Variants in CAMTA1 observed in about 807,000 individuals in gnomAD.
The protein encoded by CAMTA1 is calmodulin-binding transcription activator 1.
A neutral mutation model predicts 170.9 loss-of-function variants in CAMTA1; 27 were observed. The observed-to-expected ratio is 0.16, with a 90% CI of 0.12 to 0.22. The LOEUF (loss-of-function observed/expected upper bound fraction) is 0.22, where lower values mean the gene tolerates loss of function less well. CAMTA1 is among the 10% of genes least tolerant of loss of function. The pLI is 1.00. For missense variants in CAMTA1, 1,619 were observed against 2,217.2 expected (o/e 0.73, Z 5.42); for synonymous variants, 833 against 891.5 (o/e 0.93, Z 1.17).
In CAMTA1 at chr1:7,370,914, C is replaced by CTTTTTTTTTTTT. The variant is rs61387662; in HGVS notation, c.439-96912_439-96901dup. ...TATGGCACTTTCTTTTTCTTTCTTT[C>CTTTTTTTTTTTT]TTTTTTTTTTTTTTTGAGACGGAGT... On this transcript the variant is annotated intron_variant, in intron 5 of 22. Transcript: ENST00000303635. Among the ~76,000 whole-genome samples the CTTTTTTTTTTTT allele has an allele frequency of 3.8e-3, 414 of 109,938 alleles. 6 individuals carry two copies. The highest frequency in any genetic ancestry group is 5.7e-3 in the Middle Eastern group (1 of 176). The allele number at this position is 109,938 out of a possible 152,430, so 72.1% of individuals were successfully genotyped here. A position where few individuals can be genotyped will look rare whatever the true frequency, so the allele number is the denominator to read the frequency against.
intron 4 of CAMTA1, among the ~76,000 whole-genome samples, chr1:7,242,350 T>G (rs113342349): frequency 1.5e-3 from 225 of 152,288 alleles, no homozygotes; most frequent in Non-Finnish European, 2.5e-3. Flanking sequence ...TGGAAAATGG[T>G]GCTGCCATGT....
At chr1:7,363,985 C>T (rs2085770195) in intron 5 of CAMTA1, among the ~76,000 whole-genome samples, 2 of 152,146 alleles carry the variant, frequency 1.3e-5, no homozygotes, top group African/African-American at 4.8e-5. Flanking sequence ...AAACCAGAGT[C>T]CAGCCCCATC....
chr1:7,339,751 C>G (rs1402327768), intron 5 of CAMTA1, among the ~76,000 whole-genome samples: 2 of 152,080 alleles, frequency 1.3e-5, no homozygotes, highest in African/African-American at 4.8e-5. Context: ...TGTGCACCAC[C>G]ATGCCCGGCT....
At chr1:6,859,044 A>G (rs1308789787) in intron 3 of CAMTA1, among the ~76,000 whole-genome samples, 3 of 152,238 alleles carry the variant, frequency 2.0e-5, no homozygotes, top group Non-Finnish European at 4.4e-5. Flanking sequence ...ATATACTTAT[A>G]AAAGTAATAA....
intron 3 of CAMTA1, among the ~76,000 whole-genome samples, chr1:6,905,728 TA>T (rs1678310855): frequency 6.6e-6 from 1 of 152,328 alleles, no homozygotes; most frequent in Admixed American, 6.5e-5. Flanking sequence ...CTTTGTCTCT[TA>T]TTAATAGTTC....
intron 3 of CAMTA1, among the ~76,000 whole-genome samples, chr1:7,002,138 C>T (rs1213451726): frequency 2.0e-5 from 3 of 152,070 alleles, no homozygotes; most frequent in Admixed American, 2.0e-4. Flanking sequence ...CCTTGTGATC[C>T]ACCTGCCTCA....
intron 5 of CAMTA1, among the ~76,000 whole-genome samples, chr1:7,276,292 TATA>T (rs1558345201): frequency 6.1e-4 from 29 of 47,786 alleles, no homozygotes; most frequent in Non-Finnish European, 7.0e-4. Flanking sequence ...TATATATATA[TATA>T]TATATATATT....
intron 12 of CAMTA1, among the ~76,000 whole-genome samples, chr1:7,734,510 G>A (rs910696943): frequency 2.6e-5 from 4 of 151,158 alleles, no homozygotes; most frequent in Admixed American, 2.0e-4. Context: ...TTTGCCATGC[G>A]GGATAGAGAC....
chr1:6,860,731 T>G (rs1178340188), intron 3 of CAMTA1, among the ~76,000 whole-genome samples: 1 of 151,928 alleles, frequency 6.6e-6, no homozygotes, highest in Non-Finnish European at 1.5e-5. Context: ...GCCAACATGG[T>G]GAAACCCCAT....
At chr1:7,402,814 C>T (rs918053304) in intron 5 of CAMTA1, among the ~76,000 whole-genome samples, 1 of 152,204 alleles carries the variant, frequency 6.6e-6, no homozygotes, top group Non-Finnish European at 1.5e-5. Context: ...AAATACATCA[C>T]ATTAACCCTC....
intron 4 of CAMTA1, among the ~76,000 whole-genome samples, chr1:7,169,325 T>C (rs1649135586): frequency 6.6e-6 from 1 of 152,194 alleles, no homozygotes; most frequent in Admixed American, 6.5e-5. Flanking sequence ...TGGAATAATT[T>C]GTGTAAGATG....
chr1:6,821,901 C>CTTG lies in CAMTA1; in HGVS notation c.115+1653_115+1655dup, dbSNP rs1334398403. On this transcript the variant is annotated intron_variant, in intron 2 of 22. Coordinates refer to ENST00000303635, the MANE Select transcript of CAMTA1 (RefSeq NM_015215.4). Reference sequence around the variant, plus strand: ...ATTGGAAAGTTATATTATACTACACCTTGTAGGTTGACTAGAAAGGATGGT... The same window carrying CTTG: ...ATTGGAAAGTTATATTATACTACACCTTGTTGTAGGTTGACTAGAAAGGATGGT... 2.0e-5 allele frequency among the ~76,000 whole-genome samples: 3 copies of CTTG among 152,134 alleles called. No homozygotes were observed. The East Asian group carries it at 5.8e-4, about 29-fold the overall frequency.
intron 5 of CAMTA1, among the ~76,000 whole-genome samples, chr1:7,430,682 C>T (rs554054561): frequency 3.0e-4 from 46 of 152,256 alleles, no homozygotes; most frequent in Admixed American, 1.2e-3. Flanking sequence ...TGACCAGGGC[C>T]GGGACATAGA....
chr1:7,025,102 A>C (rs1701846305), intron 3 of CAMTA1, among the ~76,000 whole-genome samples: 1 of 152,146 alleles, frequency 6.6e-6, no homozygotes, highest in African/African-American at 2.4e-5. Flanking sequence ...TCCCACTTTT[A>C]TGTCCTGCAC....
intron 4 of CAMTA1, among the ~76,000 whole-genome samples, chr1:7,177,209 C>G (rs1232643135): frequency 6.6e-6 from 1 of 151,398 alleles, no homozygotes; most frequent in East Asian, 2.0e-4. Context: ...CAAGGCTCCT[C>G]CCCACACAGT....
intron 7 of CAMTA1, among the ~76,000 whole-genome samples, chr1:7,659,206 G>A (rs749317903): frequency 1.2e-4 from 18 of 152,236 alleles, no homozygotes; most frequent in Non-Finnish European, 1.6e-4. Flanking sequence ...ATTCCTGCCA[G>A]ATCCCAAGCC....
chr1:7,397,269 G>T (rs1464256812), intron 5 of CAMTA1, among the ~76,000 whole-genome samples: 1 of 151,948 alleles, frequency 6.6e-6, no homozygotes, highest in African/African-American at 2.4e-5. Context: ...TTTCCAATTT[G>T]TTGCCATATA....
intron 6 of CAMTA1, among the ~76,000 whole-genome samples, chr1:7,518,188 G>A (rs1477686192): frequency 1.3e-5 from 2 of 151,986 alleles, no homozygotes; most frequent in Non-Finnish European, 2.9e-5. Context: ...CAGGCTGCTT[G>A]GAGACTGTGT....
intron 6 of CAMTA1, among the ~76,000 whole-genome samples, chr1:7,581,036 C>A (rs1287988190): frequency 3.9e-5 from 6 of 152,232 alleles, no homozygotes; most frequent in Non-Finnish European, 8.8e-5. Context: ...TTTGATAACT[C>A]GGTGCCAGGG....
Sources: gnomAD v4.1 joint callset for allele counts (sites outside exome capture counted in the v4.1 genomes callset) on GRCh38, gnomAD v4.1.1 for gene constraint, MANE v1.5 for transcripts, NCBI Gene and HGNC (gene_info 2026-07-23, HGNC 2026-07-21) for gene names.